The following ARL15 variants were observed in gnomAD, a reference collection of about 807,000 sequenced individuals.
ARL15 encodes the protein ADP-ribosylation factor-like protein 15.
A neutral mutation model predicts 25.2 loss-of-function variants in ARL15; 19 were observed. That is an observed-to-expected ratio of 0.75 (90% CI 0.53 to 1.10). The LOEUF (loss-of-function observed/expected upper bound fraction) is 1.10. Among genes scored for constraint, ARL15 ranks in the 50% least tolerant of loss-of-function variants. The pLI, the probability that ARL15 is intolerant of heterozygous loss-of-function variation, is 0.00. For synonymous variants in ARL15, 94 were observed against 86.8 expected, an observed-to-expected ratio of 1.08 and a Z score of -0.46; for missense variants, 220 against 246.0, an observed-to-expected ratio of 0.89 and a Z score of 0.71.
chr5:54,207,313 T>G (rs534514647), intron 1 of ARL15, among the ~76,000 whole-genome samples: 97 of 152,294 alleles, frequency 6.4e-4, no homozygotes, highest in African/African-American at 2.3e-3. Flanking sequence ...CCAGAAGAGA[T>G]ATTTTACTTC....
At chr5:54,272,035 C>T (rs780764443) in intron 1 of ARL15, among the ~76,000 whole-genome samples, 117 of 147,770 alleles carry the variant, frequency 7.9e-4, no homozygotes, top group Non-Finnish European at 1.5e-3. Context: ...CCTCAAACTC[C>T]TGGGCTCAAG....
chr5:53,929,785 T>TC (rs1261727781), intron 4 of ARL15, among the ~76,000 whole-genome samples: 1 of 151,188 alleles, frequency 6.6e-6, no homozygotes, highest in African/African-American at 2.4e-5. Context: ...TCAGTCAAAG[T>TC]CCCCCCTACA....
At chr5:53,912,004 T>G (rs1194133639) in intron 4 of ARL15, 1 of 151,348 alleles carries the variant, frequency 6.6e-6, no homozygotes, top group Non-Finnish European at 1.5e-5. Context: ...TACCTTACCA[T>G]GTGTCAGACT....
intron 4 of ARL15, among the ~76,000 whole-genome samples, chr5:54,095,180 T>A (rs1752247780): frequency 6.6e-6 from 1 of 152,164 alleles, no homozygotes; most frequent in African/African-American, 2.4e-5. Context: ...CATCATATGT[T>A]ACCTGGGTCA....
intron 3 of ARL15, among the ~76,000 whole-genome samples, chr5:54,118,070 C>A (rs1262619205): frequency 6.6e-6 from 1 of 152,120 alleles, no homozygotes; most frequent in African/African-American, 2.4e-5. Context: ...TAAAAAAATA[C>A]ATTCAAAGTA....
At chr5:54,281,142 C>CT (rs1019481113) in intron 1 of ARL15, among the ~76,000 whole-genome samples, 3 of 151,958 alleles carry the variant, frequency 2.0e-5, no homozygotes, top group South Asian at 4.2e-4. Flanking sequence ...ATTACTATAA[C>CT]TTTTTTTTGT....
rs1266862883 is a variant in ARL15, at chr5:54,099,452, T to C, written c.462+13750A>G. Among the ~76,000 whole-genome samples the C allele has an allele frequency of 2.0e-5, 3 of 152,162 alleles. No individual in the cohort carries two copies. In the East Asian group the frequency reaches 5.8e-4, roughly 29 times the overall value. ...ATGAAAGTAAAATAAGTTAACTGCT[T>C]ATAATTTAACCTAGCAAAAGTTGTA... On this transcript the variant is annotated intron_variant, in intron 4 of 4. Coordinates refer to ENST00000504924, the MANE Select transcript of ARL15 (RefSeq NM_019087.3).
chr5:54,173,970 C>T (rs1281295264), intron 1 of ARL15, among the ~76,000 whole-genome samples: 3 of 152,140 alleles, frequency 2.0e-5, no homozygotes, highest in Non-Finnish European at 4.4e-5. Context: ...TAGGTCTCAA[C>T]TTAATCATCC....
At chr5:54,015,738 C>T (rs149493101) in intron 4 of ARL15, among the ~76,000 whole-genome samples, 45 of 152,116 alleles carry the variant, frequency 3.0e-4, no homozygotes, top group African/African-American at 1.1e-3. Context: ...GTTGCTGGTG[C>T]TCAGGACACA....
intron 4 of ARL15, among the ~76,000 whole-genome samples, chr5:53,985,463 C>T (rs1311771724): frequency 1.3e-5 from 2 of 152,246 alleles, no homozygotes; most frequent in African/African-American, 2.4e-5. Flanking sequence ...AGTAATTCCT[C>T]ATTTATTTCT....
Position 54,198,400 on chromosome 5 carries a change from T to C in ARL15, c.49-26472A>G, listed in dbSNP as rs189091907. 4.0e-3 allele frequency among the ~76,000 whole-genome samples: 611 copies of C among 152,146 alleles called. 4 individuals are homozygous for C. Among genetic ancestry groups the C allele is most frequent in the African/African-American group, 0.013 (557 of 41,460 alleles). On this transcript the variant is annotated intron_variant, in intron 1 of 4. Coordinates refer to ENST00000504924, the MANE Select transcript of ARL15 (RefSeq NM_019087.3). ...ACAATTGGATATCTAGAAAACCCCA[T>C]TGTCTCAGCCCAAAATCTCCTTAAG...
At chr5:54,130,137 C>T (rs547533425) in intron 3 of ARL15, among the ~76,000 whole-genome samples, 2 of 152,202 alleles carry the variant, frequency 1.3e-5, no homozygotes, top group South Asian at 4.1e-4. Flanking sequence ...AATTGGGAGG[C>T]TGAAGCAAAA....
intron 3 of ARL15, among the ~76,000 whole-genome samples, chr5:54,132,294 T>C (rs1473928672): frequency 6.6e-6 from 1 of 152,064 alleles, no homozygotes; most frequent in Non-Finnish European, 1.5e-5. Flanking sequence ...AATGAATATG[T>C]TTATTAAATA....
chr5:54,031,787 T>G (rs1242037588), intron 4 of ARL15, among the ~76,000 whole-genome samples: 1 of 152,070 alleles, frequency 6.6e-6, no homozygotes, highest in Non-Finnish European at 1.5e-5. Flanking sequence ...AAATGCAGTT[T>G]CCCCATGACA....
chr5:54,122,777 A>G (rs146376116), intron 3 of ARL15, among the ~76,000 whole-genome samples: 3 of 152,302 alleles, frequency 2.0e-5, no homozygotes, highest in African/African-American at 7.2e-5. Context: ...CTTTTTCTTA[A>G]TAATTCTTGT....
At chr5:54,130,124 G>A (rs964551731) in intron 3 of ARL15, among the ~76,000 whole-genome samples, 18 of 152,118 alleles carry the variant, frequency 1.2e-4, no homozygotes, top group Non-Finnish European at 2.6e-4. Context: ...TGTAGTCCCA[G>A]ATAATTGGGA....
chr5:53,986,730 GTCAC>G (rs1748311981), intron 4 of ARL15, among the ~76,000 whole-genome samples: 1 of 152,188 alleles, frequency 6.6e-6, no homozygotes, highest in Non-Finnish European at 1.5e-5. Flanking sequence ...CGTTCATTCA[GTCAC>G]TGAAAAGAAA....
chr5:53,991,561 A>AAAAG (rs1388513035), intron 4 of ARL15, among the ~76,000 whole-genome samples: 1 of 92,070 alleles, frequency 1.1e-5, no homozygotes, highest in Non-Finnish European at 2.2e-5. Context: ...AAAAAAAAAA[A>AAAAG]GGGGGGGCGG....
chr5:54,214,781 T>C (rs550283577), intron 1 of ARL15, among the ~76,000 whole-genome samples: 3 of 152,204 alleles, frequency 2.0e-5, no homozygotes, highest in Non-Finnish European at 4.4e-5. Context: ...TAAACCCTCA[T>C]GTCTCTCACT....
Sources: gnomAD v4.1 joint callset for allele counts (sites outside exome capture counted in the v4.1 genomes callset) on GRCh38, gnomAD v4.1.1 for gene constraint, MANE v1.5 for transcripts, NCBI Gene and HGNC (gene_info 2026-07-23, HGNC 2026-07-21) for gene names.